The following HOXC6 variants were observed in gnomAD, a reference collection of about 807,000 sequenced individuals.
HOXC6 encodes the protein homeobox protein Hox-C6.
In HOXC6, 10 loss-of-function variants were observed where a neutral mutation model predicts 24.0. The ratio of observed to expected loss-of-function variants is 0.42; its 90% CI spans 0.26 to 0.71. HOXC6 has a LOEUF of 0.71. Ranked by LOEUF, HOXC6 falls within the 30% of genes least tolerant of loss-of-function variation. The probability of loss-of-function intolerance (pLI) is 0.28; values close to 1 mark genes in which losing one functional copy is unlikely to be tolerated. For missense variants in HOXC6, 258 were observed against 303.4 expected, an observed-to-expected ratio of 0.85 and a Z score of 1.11; for synonymous variants, 123 against 128.1, an observed-to-expected ratio of 0.96 and a Z score of 0.27.
upstream of HOXC6, among the ~76,000 whole-genome samples, chr12:54,023,996 G>A (rs575992089): frequency 1.8e-4 from 28 of 152,166 alleles, 1 homozygote; most frequent in Non-Finnish European, 3.4e-4. Context: ...AAAACACCAG[G>A]CATTTGGAGT....
At chr12:54,019,903 A>C (rs1375562838) in intron 1 of HOXC6, 1 of 151,500 alleles carries the variant, frequency 6.6e-6, no homozygotes, top group African/African-American at 2.4e-5. Context: ...CCCTAGACCC[A>C]TCCTTACAAG....
chr12:54,029,943 A>C lies in HOXC6; in HGVS notation c.689A>C (p.Glu230Ala). 1.9e-6 allele frequency: 3 copies of C among 1,587,282 alleles called. No homozygotes were observed. Among genetic ancestry groups the C allele is most frequent in the Non-Finnish European group, 2.6e-6 (3 of 1,165,858 alleles). The change falls in exon 2 of 2, where the codon GAG becomes GCG. Residue 230 changes from glutamate to alanine, a missense_variant. Physicochemically the swap from Glu to Ala is moderately radical, Grantham distance 107. Transcript: ENST00000243108. ...GAGGAAAAGCGGGAAGAGACAGAAG[A>C]GGAGAAGCAGAAAGAGTGACCAGGA... Reference protein sequence around the residue: ...GKEEKREETEEEKQKE With the variant: ...GKEEKREETEAEKQKE
upstream of HOXC6, among the ~76,000 whole-genome samples, chr12:54,026,850 G>T (rs988376803): frequency 6.6e-6 from 1 of 151,848 alleles, no homozygotes; most frequent in Non-Finnish European, 1.5e-5. Flanking sequence ...TGGCTTTATT[G>T]CTACCCATTG....
At chr12:54,026,943 C>CT (rs202043439), upstream of HOXC6, among the ~76,000 whole-genome samples, 1,065 of 140,398 alleles carry the variant, frequency 7.6e-3, 18 homozygotes, top group African/African-American at 0.028. Flanking sequence ...CTTTCCCCCC[C>CT]CCCAACCCAC....
chr12:54,021,591 G>C (rs895635548), intron 1 of HOXC6: 1 of 152,222 alleles, frequency 6.6e-6, no homozygotes, highest in African/African-American at 2.4e-5. Flanking sequence ...CTAGGTGATC[G>C]GGTTCCTCCC....
At chr12:54,023,517 A>C (rs1940541312), upstream of HOXC6, among the ~76,000 whole-genome samples, 1 of 152,136 alleles carries the variant, frequency 6.6e-6, no homozygotes, top group African/African-American at 2.4e-5. Context: ...GTAGCCTCTC[A>C]ACCTCTTAGC....
Position 54,028,597 on chromosome 12 carries a change from C to G in HOXC6, c.76C>G (p.Leu26Val). The change falls in exon 1 of 2, where the codon CTC (leucine) becomes GTC (valine). Residue 26 changes from leucine to valine, a missense_variant. Coordinates refer to ENST00000243108, the MANE Select transcript of HOXC6 (RefSeq NM_004503.4). ...CCAGGACGTCCTCCCCAACGTCGCCCTCAATTCCACCGCCTATGATCCAGT... is the reference window on the plus strand; with the variant it reads ...CCAGGACGTCCTCCCCAACGTCGCCGTCAATTCCACCGCCTATGATCCAGT... ...GGQDVLPNVALNSTAYDPVRH... is the reference protein window; with the variant it reads ...GGQDVLPNVAVNSTAYDPVRH... 6.2e-7 allele frequency: 1 copy of G among 1,614,088 alleles called. No individual in the cohort carries two copies. The highest frequency in any genetic ancestry group is 8.5e-7 in the Non-Finnish European group (1 of 1,179,996).
At chr12:54,023,883 C>T (rs999667524), upstream of HOXC6, among the ~76,000 whole-genome samples, 1 of 152,180 alleles carries the variant, frequency 6.6e-6, no homozygotes, top group Non-Finnish European at 1.5e-5. Flanking sequence ...TGTTCCCAAA[C>T]AGCATTCCCT....
At chr12:54,029,446 C>G (rs1048005079) in intron 1 of HOXC6, among the ~76,000 whole-genome samples, 1 of 117,980 alleles carries the variant, frequency 8.5e-6, no homozygotes, top group African/African-American at 3.2e-5. Context: ...CTTTGGGACA[C>G]ACAGGTCCCA....
In HOXC6 at chr12:54,029,760, G is replaced by T. The variant is rs1398975090; in HGVS notation, c.506G>T (p.Arg169Leu). 1.2e-6 allele frequency: 2 copies of T among 1,614,174 alleles called. No homozygotes were observed. Among genetic ancestry groups the T allele is most frequent in the East Asian group, 4.5e-5 (2 of 44,872 alleles). The change falls in exon 2 of 2, where the codon CGC becomes CTC. Residue 169 changes from arginine (R) to leucine (L), a missense_variant. Transcript: ENST00000243108. Reference protein sequence around the residue: ...EFHFNRYLTRRRRIEIANALC... With the variant: ...EFHFNRYLTRLRRIEIANALC... The stretch of plus-strand genomic sequence containing the variant: ...CACTTCAATCGCTACCTAACGCGGC[G>T]CCGGCGCATCGAGATCGCCAACGCG...
intron 1 of HOXC6, among the ~76,000 whole-genome samples, chr12:54,018,663 T>G (rs940003870): frequency 2.6e-5 from 4 of 152,176 alleles, no homozygotes; most frequent in Admixed American, 2.6e-4. Flanking sequence ...CCGGCCTGGG[T>G]CCGAGGCTCC....
At chr12:54,026,974 G>T (rs1047639883), upstream of HOXC6, among the ~76,000 whole-genome samples, 1 of 132,822 alleles carries the variant, frequency 7.5e-6, no homozygotes, top group Admixed American at 7.3e-5. Context: ...TGGGGGGGGG[G>T]GGATATGAGC....
chr12:54,021,235 T>C (rs910535051), intron 1 of HOXC6: 1 of 152,212 alleles, frequency 6.6e-6, no homozygotes, highest in Non-Finnish European at 1.5e-5. Flanking sequence ...TTTGCCTGCA[T>C]CCGTGGCGGC....
chr12:54,022,827 C>T (rs1940509665), intron 1 of HOXC6, among the ~76,000 whole-genome samples: 1 of 152,076 alleles, frequency 6.6e-6, no homozygotes, highest in African/African-American at 2.4e-5. Context: ...TTTTATAATT[C>T]TCATGAACCT....
chr12:54,028,769 T>C lies in HOXC6; in HGVS notation c.248T>C (p.Met83Thr). 1.2e-6 allele frequency: 2 copies of C among 1,614,038 alleles called. No individual in the cohort carries two copies. The highest frequency in any genetic ancestry group is 8.5e-7 in the Non-Finnish European group (1 of 1,180,024). Residue 83 changes from methionine to threonine, a missense_variant, in exon 1 of 2, where the codon ATG (methionine) becomes ACG (threonine). Met to Thr is a moderately conservative substitution (Grantham distance 81). Coordinates refer to ENST00000243108, the MANE Select transcript of HOXC6 (RefSeq NM_004503.4). Reference sequence around the variant, plus strand: ...AATTCCTTTTACCAGGAGAAAGACATGCTCTCAAACTGCAGACAAAACACC... The same window carrying C: ...AATTCCTTTTACCAGGAGAAAGACACGCTCTCAAACTGCAGACAAAACACC... ...GSNSFYQEKDMLSNCRQNTLG... is the reference protein window; with the variant it reads ...GSNSFYQEKDTLSNCRQNTLG...
chr12:54,029,201 G>A (rs1222814250), intron 1 of HOXC6, among the ~76,000 whole-genome samples: 1 of 152,162 alleles, frequency 6.6e-6, no homozygotes, highest in Non-Finnish European at 1.5e-5. Context: ...GAAGATAGGG[G>A]AGCCCCCCAA....
In HOXC6 at chr12:54,028,774, T is replaced by C. The variant is rs1940848731; in HGVS notation, c.253T>C (p.Ser85Pro). 3 of 1,614,166 alleles carry C rather than the reference T, an allele frequency of 1.9e-6. No homozygotes were observed. ...NSFYQEKDML[S>P]NCRQNTLGHN... Reference sequence around the variant, plus strand: ...CTTTTACCAGGAGAAAGACATGCTCTCAAACTGCAGACAAAACACCTTAGG... The same window carrying C: ...CTTTTACCAGGAGAAAGACATGCTCCCAAACTGCAGACAAAACACCTTAGG... The change falls in exon 1 of 2, where the codon TCA becomes CCA. Residue 85 changes from serine (S) to proline (P), a missense_variant. By Grantham distance (74) the Ser-to-Pro change is moderately conservative (BLOSUM62 -1). Coordinates refer to ENST00000243108, the MANE Select transcript of HOXC6 (RefSeq NM_004503.4).
chr12:54,018,927 C>A (rs1261381607), intron 1 of HOXC6, among the ~76,000 whole-genome samples: 1 of 152,138 alleles, frequency 6.6e-6, no homozygotes, highest in African/African-American at 2.4e-5. Context: ...CCTGTTTAAA[C>A]CCTGACCCGT....
At chr12:54,027,490 A>C (rs1020479716), upstream of HOXC6, among the ~76,000 whole-genome samples, 1 of 152,210 alleles carries the variant, frequency 6.6e-6, no homozygotes, top group African/African-American at 2.4e-5. Context: ...CTGGCTCCAA[A>C]TAATAAATTC....
Sources: allele counts gnomAD v4.1 joint callset (sites outside exome capture counted in the v4.1 genomes callset), GRCh38; gene constraint gnomAD v4.1.1; transcripts MANE v1.5; gene names NCBI Gene and HGNC (gene_info 2026-07-23, HGNC 2026-07-21).